The following SOX8 variants were observed in gnomAD, a reference collection of about 807,000 sequenced individuals.
SOX8 encodes SRY-box transcription factor 8.
Under a neutral mutation model 22.9 loss-of-function variants are expected in SOX8, and 9 were observed. That is an observed-to-expected ratio of 0.39 (90% CI 0.24 to 0.69). The LOEUF is 0.69. Ranked by LOEUF, SOX8 falls within the 30% of genes least tolerant of loss-of-function variation. The pLI, the probability that SOX8 is intolerant of heterozygous loss-of-function variation, is 0.43. For missense variants in SOX8, 734 were observed against 699.4 expected (o/e 1.05, Z -0.56); for synonymous variants, 416 against 330.6 (o/e 1.26, Z -2.80).
chr16:985,681 G>A lies in SOX8; in HGVS notation c.*295G>A, dbSNP rs778749827. Reference sequence around the variant, plus strand: ...GAGGACTGGCGGCACCAGCACCTTCGCTTTGCATCTCGGTAGAGGAGAAAC... The same window carrying A: ...GAGGACTGGCGGCACCAGCACCTTCACTTTGCATCTCGGTAGAGGAGAAAC... On this transcript the variant is annotated 3_prime_UTR_variant, in exon 3 of 3. Coordinates refer to ENST00000293894, the MANE Select transcript of SOX8 (RefSeq NM_014587.5). 2 of 398,962 alleles carry A rather than the reference G, an allele frequency of 5.0e-6. No individual in the cohort carries two copies. The highest frequency in any genetic ancestry group is 9.0e-6 in the Non-Finnish European group (2 of 223,058). The allele number at this position is 398,962 out of a possible 1,614,324, so 24.7% of individuals were successfully genotyped here.
Position 982,451 on chromosome 16 carries a change from A to G in SOX8, c.422+107A>G, listed in dbSNP as rs2073404898. ...CAGAGCTCGCGGAGGTGGTGGCCAC[A>G]CGCAGGCTCCGGGCTCTGCACCCCG... On this transcript the variant is annotated intron_variant, in intron 1 of 2. Coordinates refer to ENST00000293894, the MANE Select transcript of SOX8 (RefSeq NM_014587.5). 7.7e-6 allele frequency: 9 copies of G among 1,168,068 alleles called. No homozygotes were observed. In the East Asian group the frequency reaches 2.9e-4, roughly 37 times the overall value. 72.4% of individuals were successfully genotyped at this position (1,168,068 alleles called of 1,614,324 possible). A position where few individuals can be genotyped will look rare whatever the true frequency, so the allele number is the denominator to read the frequency against.
chr16:982,691 G>A (rs755521537), intron 1 of SOX8: 219 of 240,738 alleles, frequency 9.1e-4, no homozygotes, highest in Non-Finnish European at 1.5e-3. Flanking sequence ...AGTGGCCCCA[G>A]CCCCGGGAGG....
In SOX8 at chr16:982,155, G is replaced by T. The variant is rs1596198609; in HGVS notation, c.233G>T (p.Gly78Val). Reference sequence around the variant, plus strand: ...GACGCCGTGTCGCAGGTGCTCAAGGGCTACGACTGGAGTCTGGTGCCCATG... The same window carrying T: ...GACGCCGTGTCGCAGGTGCTCAAGGTCTACGACTGGAGTCTGGTGCCCATG... ...IRDAVSQVLK[G>V]YDWSLVPMPV... Residue 78 changes from glycine (G) to valine (V), a missense_variant, in exon 1 of 3, where the codon GGC (glycine) becomes GTC (valine). Transcript: ENST00000293894. 8 of 1,489,618 alleles carry T rather than the reference G, an allele frequency of 5.4e-6. No individual in the cohort carries two copies. The highest frequency in any genetic ancestry group is 4.4e-5 in the Admixed American group (2 of 45,972). 92.3% of individuals were successfully genotyped at this position (1,489,618 alleles called of 1,614,324 possible).
chr16:985,296 ACCCCTG>A lies in SOX8; in HGVS notation c.1253_1258del (p.Pro418_Leu419del), dbSNP rs2073450033. On this transcript the variant is annotated inframe_deletion, in exon 3 of 3. Coordinates refer to ENST00000293894, the MANE Select transcript of SOX8 (RefSeq NM_014587.5). ...ACTCGCCGCGCCGGCCCTACGCCTC[ACCCCTG>A]CTCAACGGCCTGGCCCTGCCGCCCG... 2 of 1,608,654 alleles carry A rather than the reference ACCCCTG, an allele frequency of 1.2e-6. No individual in the cohort carries two copies.
At position 981,834 on chromosome 16, in the gene SOX8, G is replaced by C; in HGVS notation, c.-89G>C. The C allele has an allele frequency of 1.3e-6, 1 of 793,632 alleles. No homozygotes were observed. The highest frequency in any genetic ancestry group is 1.6e-6 in the Non-Finnish European group (1 of 639,318). The allele number at this position is 793,632 out of a possible 1,614,324, so 49.2% of individuals were successfully genotyped here. On this transcript the variant is annotated 5_prime_UTR_variant, in exon 1 of 3. Coordinates refer to ENST00000293894, the MANE Select transcript of SOX8 (RefSeq NM_014587.5). Reference sequence around the variant, plus strand: ...GCGAGGGTCGGGGCCACCGCGCGGCGACCTCGGGTCCCGGAGCGACCGCAG... The same window carrying C: ...GCGAGGGTCGGGGCCACCGCGCGGCCACCTCGGGTCCCGGAGCGACCGCAG...
In SOX8 at chr16:982,293, AC is replaced by A; in HGVS notation, c.374del (p.Pro125ArgfsTer19). On this transcript the variant is annotated frameshift_variant, in exon 1 of 3. Coordinates refer to ENST00000293894, the MANE Select transcript of SOX8 (RefSeq NM_014587.5). LOFTEE classifies it high-confidence loss of function. ...QAARRKLADQ[Y>X]PHLHNAELSK... ...GCGCGCCGCAAGCTGGCCGACCAGTACCCGCACCTGCACAACGCCGAGCTCA... is the reference window on the plus strand; with the variant it reads ...GCGCGCCGCAAGCTGGCCGACCAGTACCGCACCTGCACAACGCCGAGCTCA... The A allele has an allele frequency of 1.3e-6, 2 of 1,504,194 alleles. No individual in the cohort carries two copies. Among genetic ancestry groups the A allele is most frequent in the East Asian group, 2.6e-5 (1 of 38,246 alleles). The allele number at this position is 1,504,194 out of a possible 1,614,324, so 93.2% of individuals were successfully genotyped here. A position where few individuals can be genotyped will look rare whatever the true frequency, so the allele number is the denominator to read the frequency against.
In SOX8 at chr16:984,808, G is replaced by A. The variant is rs777739719; in HGVS notation, c.763G>A (p.Gly255Arg). The A allele has an allele frequency of 3.1e-5, 50 of 1,611,482 alleles. No homozygotes were observed. The highest frequency in any genetic ancestry group is 4.4e-5 in the South Asian group (4 of 91,022). ...KLEGRRPVDS[G>R]RQNIDFSNVD... ...GGAGGGACGCCGGCCGGTGGACAGC[G>A]GGCGCCAGAACATCGACTTCAGCAA... Residue 255 changes from glycine (G) to arginine (R), a missense_variant, in exon 3 of 3, where the codon GGG (glycine) becomes AGG (arginine). Physicochemically the swap from Gly to Arg is moderately radical, Grantham distance 125 (BLOSUM62 -2). Around this residue, in one of 3 missense-constraint regions of SOX8, gnomAD observed 588 missense variants for 568.2 expected, o/e 1.03. Transcript: ENST00000293894.
At position 985,653 on chromosome 16, in the gene SOX8, C is replaced by T. The variant is rs3751668; in HGVS notation, c.*267C>T. ...AAGGGCTGCCGTTTGGTCCCTCTTCCGTGAGGACTGGCGGCACCAGCACCT... is the reference window on the plus strand; with the variant it reads ...AAGGGCTGCCGTTTGGTCCCTCTTCTGTGAGGACTGGCGGCACCAGCACCT... On this transcript the variant is annotated 3_prime_UTR_variant, in exon 3 of 3. Transcript: ENST00000293894. 0.24 allele frequency: 110,698 copies of T among 456,292 alleles called. 18,147 individuals are homozygous for T. The highest frequency in any genetic ancestry group is 0.62 in the African/African-American group (30,473 of 48,892). The allele number at this position is 456,292 out of a possible 1,614,324, so 28.3% of individuals were successfully genotyped here. A position where few individuals can be genotyped will look rare whatever the true frequency, so the allele number is the denominator to read the frequency against.
At position 985,109 on chromosome 16, in the gene SOX8, C is replaced by T. The variant is rs763630838; in HGVS notation, c.1064C>T (p.Ser355Leu). The T allele has an allele frequency of 2.3e-5, 36 of 1,593,952 alleles. No individual in the cohort carries two copies. Among genetic ancestry groups the T allele is most frequent in the Middle Eastern group, 1.7e-4 (1 of 5,742 alleles). The change falls in exon 3 of 3, where the codon TCG becomes TTG. Residue 355 changes from serine to leucine, a missense_variant. Physicochemically the swap from Ser to Leu is moderately radical, Grantham distance 145 (BLOSUM62 -2). Around this residue, in one of 3 missense-constraint regions of SOX8, gnomAD observed 588 missense variants for 568.2 expected, o/e 1.03. Transcript: ENST00000293894. ...CACTACGGCGACCAGCCCCGAGGCTCGCCCGACTACGGTTCCTGCAGCGGC... is the reference window on the plus strand; with the variant it reads ...CACTACGGCGACCAGCCCCGAGGCTTGCCCGACTACGGTTCCTGCAGCGGC... ...PGHYGDQPRG[S>L]PDYGSCSGQS...
chr16:982,453 G>C, intron 1 of SOX8, 109 bp downstream of exon 1: 1 of 1,156,346 alleles, frequency 8.6e-7, no homozygotes, highest in Non-Finnish European at 1.1e-6. Flanking sequence ...GTGGCCACAC[G>C]CAGGCTCCGG....
chr16:985,410 C>T lies in SOX8; in HGVS notation c.*24C>T, dbSNP rs1438839207. The T allele has an allele frequency of 1.9e-5, 29 of 1,495,320 alleles. No individual in the cohort carries two copies. The highest frequency in any genetic ancestry group is 4.1e-5 in the Admixed American group (2 of 48,456). 92.6% of individuals were successfully genotyped at this position (1,495,320 alleles called of 1,614,324 possible). A position where few individuals can be genotyped will look rare whatever the true frequency, so the allele number is the denominator to read the frequency against. On this transcript the variant is annotated 3_prime_UTR_variant, in exon 3 of 3. Coordinates refer to ENST00000293894, the MANE Select transcript of SOX8 (RefSeq NM_014587.5). ...GAGGGCCCAGCCGCGGGGAGGGACT[C>T]GCAGGCGTCAGGGGGCAGCCTTGTC...
chr16:983,649 C>A lies in SOX8; in HGVS notation c.423-79C>A, dbSNP rs893257903. Reference sequence around the variant, plus strand: ...GCCTCCTGGCCCCGGCCTCTGCTGCCGGTTCCCCCTGTGGTGTGTGCCTGC... The same window carrying A: ...GCCTCCTGGCCCCGGCCTCTGCTGCAGGTTCCCCCTGTGGTGTGTGCCTGC... On this transcript the variant is annotated intron_variant, in intron 1 of 2. Coordinates refer to ENST00000293894, the MANE Select transcript of SOX8 (RefSeq NM_014587.5). 4.4e-6 allele frequency: 6 copies of A among 1,353,554 alleles called. No homozygotes were observed. The African/African-American group carries it at 7.3e-5, about 16-fold the overall frequency. The allele number at this position is 1,353,554 out of a possible 1,614,324, so 83.8% of individuals were successfully genotyped here. A position where few individuals can be genotyped will look rare whatever the true frequency, so the allele number is the denominator to read the frequency against.
rs867498387 is a variant in SOX8, at chr16:981,977, G to A, written c.55G>A (p.Ala19Thr). 4 of 1,447,200 alleles carry A rather than the reference G, an allele frequency of 2.8e-6. No individual in the cohort carries two copies. Among genetic ancestry groups the A allele is most frequent in the African/African-American group, 1.5e-5 (1 of 67,998 alleles). The allele number at this position is 1,447,200 out of a possible 1,614,324, so 89.6% of individuals were successfully genotyped here. ...GCCGCCCTGCAGCCCGTCCGGCACC[G>A]CCAGCTCCATGTCGCACGTGGAGGA... ...SQPPCSPSGT[A>T]SSMSHVEDSD... Residue 19 changes from alanine to threonine, a missense_variant, in exon 1 of 3, where the codon GCC (alanine) becomes ACC (threonine). By Grantham distance (58) the Ala-to-Thr change is moderately conservative. This residue lies in a region of SOX8 where 139 missense variants were observed against 109.1 expected (regional missense o/e 1.27). Coordinates refer to ENST00000293894, the MANE Select transcript of SOX8 (RefSeq NM_014587.5).
At position 982,337 on chromosome 16, in the gene SOX8, C is replaced by G; in HGVS notation, c.415C>G (p.Leu139Val). 1 of 1,382,892 alleles carries G rather than the reference C, an allele frequency of 7.2e-7. No individual in the cohort carries two copies. The highest frequency in any genetic ancestry group is 9.4e-7 in the Non-Finnish European group (1 of 1,063,064). 85.7% of individuals were successfully genotyped at this position (1,382,892 alleles called of 1,614,324 possible). Reference protein sequence around the residue: ...NAELSKTLGKLWRLLSESEKR... With the variant: ...NAELSKTLGKVWRLLSESEKR... ...CGAGCTCAGCAAGACGCTGGGCAAG[C>G]TGTGGCGGTGAGTGCCGGCGCCCCG... Residue 139 changes from leucine (L) to valine (V), a missense_variant, in exon 1 of 3, where the codon CTG becomes GTG. By Grantham distance (32) the Leu-to-Val change is conservative. Transcript: ENST00000293894.
At position 985,606 on chromosome 16, in the gene SOX8, G is replaced by A. The variant is rs1285678025; in HGVS notation, c.*220G>A. 3.9e-6 allele frequency: 2 copies of A among 512,696 alleles called. No individual in the cohort carries two copies. The highest frequency in any genetic ancestry group is 6.8e-6 in the Non-Finnish European group (2 of 294,006). The allele number at this position is 512,696 out of a possible 1,614,324, so 31.8% of individuals were successfully genotyped here. A position where few individuals can be genotyped will look rare whatever the true frequency, so the allele number is the denominator to read the frequency against. ...TCTCCCTTCTATCTTTCTTTTTGAG[G>A]TGGTGGGATTATTCCACAAAGAAGG... is the stretch of plus-strand genomic sequence containing the variant. On this transcript the variant is annotated 3_prime_UTR_variant, in exon 3 of 3. Coordinates refer to ENST00000293894, the MANE Select transcript of SOX8 (RefSeq NM_014587.5).
At chr16:983,459 G>T in intron 1 of SOX8, 1 of 349,188 alleles carries the variant, frequency 2.9e-6, no homozygotes. Context: ...CGGAATAGGG[G>T]GAAATAGAAG....
At position 985,131 on chromosome 16, in the gene SOX8, C is replaced by A. The variant is rs777748762; in HGVS notation, c.1086C>A (p.Ser362Arg). 17 of 1,599,826 alleles carry A rather than the reference C, an allele frequency of 1.1e-5. No individual in the cohort carries two copies. Among genetic ancestry groups the A allele is most frequent in the Non-Finnish European group, 1.4e-5 (16 of 1,175,786 alleles). Residue 362 changes from serine (S) to arginine (R), a missense_variant, in exon 3 of 3, where the codon AGC becomes AGA. Around this residue, in one of 3 missense-constraint regions of SOX8, gnomAD observed 588 missense variants for 568.2 expected, o/e 1.03. Coordinates refer to ENST00000293894, the MANE Select transcript of SOX8 (RefSeq NM_014587.5). Reference protein sequence around the residue: ...PRGSPDYGSCSGQSSATPAAP... With the variant: ...PRGSPDYGSCRGQSSATPAAP... Reference sequence around the variant, plus strand: ...GCTCGCCCGACTACGGTTCCTGCAGCGGCCAGTCCAGCGCCACCCCGGCCG... The same window carrying A: ...GCTCGCCCGACTACGGTTCCTGCAGAGGCCAGTCCAGCGCCACCCCGGCCG...
rs199975645 is a variant in SOX8 at position 986,075 on chromosome 16, TTTAA to T, written c.*695_*698del. On this transcript the variant is annotated 3_prime_UTR_variant, in exon 3 of 3. Transcript: ENST00000293894. Reference sequence around the variant, plus strand: ...TATTTATGTTCTGTGTTATTTTATCTTTAATTAATGAGGTAATTCGGGCAAAGAG... The same window carrying T: ...TATTTATGTTCTGTGTTATTTTATCTTTAATGAGGTAATTCGGGCAAAGAG... The T allele has an allele frequency of 5.9e-5, 9 of 151,692 alleles. No homozygotes were observed. The highest frequency in any genetic ancestry group is 1.3e-4 in the Non-Finnish European group (9 of 67,680). 9.4% of individuals were successfully genotyped at this position (151,692 alleles called of 1,614,324 possible).
intron 2 of SOX8, among the ~76,000 whole-genome samples, chr16:984,470 C>G (rs948097522): frequency 6.6e-6 from 1 of 152,244 alleles, no homozygotes; most frequent in Non-Finnish European, 1.5e-5. Context: ...CCACCTTGGT[C>G]TCTGGGAGGG....
Sources: gnomAD v4.1 joint callset for allele counts (sites outside exome capture counted in the v4.1 genomes callset) on GRCh38, gnomAD v4.1.1 for gene constraint, gnomAD v4.1.1 regional missense constraint, MANE v1.5 for transcripts, NCBI Gene and HGNC (gene_info 2026-07-23, HGNC 2026-07-21) for gene names.